The following CENPW variants were observed in gnomAD, a reference collection of about 807,000 sequenced individuals.
The protein encoded by CENPW is centromere protein W.
Under a neutral mutation model 11.1 loss-of-function variants are expected in CENPW, and 3 were observed. That is an observed-to-expected ratio of 0.27 (90% confidence interval 0.12 to 0.70). The LOEUF is 0.70. Among genes scored for constraint, CENPW ranks in the 30% least tolerant of loss-of-function variants. The pLI is 0.77. For synonymous variants in CENPW, 38 were observed against 42.0 expected (o/e 0.91, Z 0.37); for missense variants, 100 against 105.6 (o/e 0.95, Z 0.23).
At chr6:126,433,400 C>T in the CENPW span, among the ~76,000 whole-genome samples, 1 of 152,052 alleles carries the variant, frequency 6.6e-6, no homozygotes, top group South Asian at 2.1e-4. Flanking sequence ...CATCAGAAAC[C>T]CAGTGACTGT....
At chr6:126,419,965 G>A in the CENPW span, among the ~76,000 whole-genome samples, 1 of 152,148 alleles carries the variant, frequency 6.6e-6, no homozygotes, top group Non-Finnish European at 1.5e-5. Context: ...CATATTCACA[G>A]GTCTGGGAAT....
the CENPW span, among the ~76,000 whole-genome samples, chr6:126,463,278 T>G: frequency 2.0e-5 from 3 of 152,038 alleles, no homozygotes; most frequent in Non-Finnish European, 4.4e-5. Flanking sequence ...AGGGAAGCTG[T>G]CTATAAATTA....
the CENPW span, among the ~76,000 whole-genome samples, chr6:126,375,077 T>G: frequency 6.6e-6 from 1 of 152,120 alleles, no homozygotes; most frequent in Non-Finnish European, 1.5e-5. Context: ...ATTTATTGAG[T>G]TTTACTATGA....
the CENPW span, among the ~76,000 whole-genome samples, chr6:126,365,416 G>A: frequency 2.3e-4 from 35 of 152,226 alleles, no homozygotes; most frequent in Non-Finnish European, 4.3e-4. Context: ...CAATCATGGC[G>A]GAAGCTGAAG....
chr6:126,440,908 T>C, the CENPW span, among the ~76,000 whole-genome samples: 1 of 151,414 alleles, frequency 6.6e-6, no homozygotes, highest in Non-Finnish European at 1.5e-5. Context: ...AGGGAAAACA[T>C]AGGTTGCTTT....
chr6:126,382,684 A>G, the CENPW span, among the ~76,000 whole-genome samples: 1 of 152,170 alleles, frequency 6.6e-6, no homozygotes, highest in East Asian at 1.9e-4. Context: ...AAGCTGAGGA[A>G]AGAATCTCAG....
chr6:126,429,484 ACT>A, the CENPW span, among the ~76,000 whole-genome samples: 2 of 150,014 alleles, frequency 1.3e-5, no homozygotes, highest in South Asian at 4.2e-4. Context: ...CCTCCCCCCA[ACT>A]CTCTCTTGTT....
At chr6:126,414,602 C>G in the CENPW span, among the ~76,000 whole-genome samples, 1 of 151,932 alleles carries the variant, frequency 6.6e-6, no homozygotes. Context: ...CTTAAAACGA[C>G]TAAACCTATG....
At chr6:126,372,964 A>G in the CENPW span, among the ~76,000 whole-genome samples, 1 of 152,198 alleles carries the variant, frequency 6.6e-6, no homozygotes. Context: ...TTGTTTATGG[A>G]TGCAACTGAG....
the CENPW span, among the ~76,000 whole-genome samples, chr6:126,376,960 A>G: frequency 6.6e-6 from 1 of 152,180 alleles, no homozygotes; most frequent in Non-Finnish European, 1.5e-5. Flanking sequence ...CTGTGTGCAT[A>G]CATCTTTAGG....
chr6:126,434,722 C>CA, the CENPW span, among the ~76,000 whole-genome samples: 14 of 151,052 alleles, frequency 9.3e-5, no homozygotes, highest in South Asian at 2.1e-4. Context: ...ATTAACTTGG[C>CA]AAAAAAAATG....
the CENPW span, among the ~76,000 whole-genome samples, chr6:126,390,479 CTT>C: frequency 7.2e-3 from 1,090 of 152,032 alleles, 12 homozygotes; most frequent in African/African-American, 0.025. Context: ...TAATTACACT[CTT>C]TTAGTTATTT....
the CENPW span, among the ~76,000 whole-genome samples, chr6:126,432,068 A>C: frequency 2.2e-5 from 3 of 134,928 alleles, no homozygotes; most frequent in African/African-American, 6.5e-5. Context: ...CCATCTCACA[A>C]AAAAAAAAAA....
At chr6:126,472,164 A>G in the CENPW span, among the ~76,000 whole-genome samples, 1 of 152,180 alleles carries the variant, frequency 6.6e-6, no homozygotes, top group African/African-American at 2.4e-5. Flanking sequence ...GTATGTTACA[A>G]TTGGCTTACA....
the CENPW span, among the ~76,000 whole-genome samples, chr6:126,378,457 T>C: frequency 4.7e-5 from 6 of 126,334 alleles, no homozygotes; most frequent in Non-Finnish European, 8.6e-5. Context: ...AGTTAAAATG[T>C]CCCTTGAGTT....
chr6:126,469,389 C>T, the CENPW span, among the ~76,000 whole-genome samples: 1,046 of 152,298 alleles, frequency 6.9e-3, 40 homozygotes, highest in Admixed American at 0.053. Flanking sequence ...TTCCTGTGAC[C>T]TCCCCAGACA....
At chr6:126,364,592 C>A in the CENPW span, among the ~76,000 whole-genome samples, 1 of 152,144 alleles carries the variant, frequency 6.6e-6, no homozygotes, top group Non-Finnish European at 1.5e-5. Context: ...AAGCACATAA[C>A]CCTCCATTTC....
At chr6:126,343,371 A>T (rs1481002096) in intron 1 of CENPW, among the ~76,000 whole-genome samples, 1 of 152,200 alleles carries the variant, frequency 6.6e-6, no homozygotes, top group African/African-American at 2.4e-5. Context: ...AAAAAGTAAT[A>T]CTAATTTGTC....
chr6:126,472,883 C>A, the CENPW span, among the ~76,000 whole-genome samples: 4 of 152,078 alleles, frequency 2.6e-5, no homozygotes, highest in Non-Finnish European at 5.9e-5. Context: ...ATTTCTATAT[C>A]CTTAACTTTA....
Sources: allele counts gnomAD v4.1 joint callset (sites outside exome capture counted in the v4.1 genomes callset), GRCh38; gene constraint gnomAD v4.1.1; transcripts MANE v1.5; gene names NCBI Gene and HGNC (gene_info 2026-07-23, HGNC 2026-07-21).